Variants in NELL2 observed in about 807,000 individuals in gnomAD.
The protein encoded by NELL2 is protein kinase C-binding protein NELL2.
Under a neutral mutation model 109.6 loss-of-function variants are expected in NELL2, and 41 were observed. The observed-to-expected ratio is 0.37, with a 90% confidence interval of 0.29 to 0.49. The LOEUF (loss-of-function observed/expected upper bound fraction) is 0.49, where lower values mean the gene tolerates loss of function less well. Among genes scored for constraint, NELL2 ranks in the 20% least tolerant of loss-of-function variants. The pLI, the probability that NELL2 is intolerant of heterozygous loss-of-function variation, is 0.98. For missense variants in NELL2, 900 were observed against 1,008.3 expected, an observed-to-expected ratio of 0.89 and a Z score of 1.45; for synonymous variants, 355 against 344.7, an observed-to-expected ratio of 1.03 and a Z score of -0.33.
chr12:44,752,308 C>T (rs1592462307), intron 9 of NELL2, among the ~76,000 whole-genome samples: 2 of 152,324 alleles, frequency 1.3e-5, no homozygotes, highest in East Asian at 3.9e-4. Context: ...CTTTCACATA[C>T]ATTATCTAAA....
chr12:44,612,566 G>A (rs1945661695), intron 13 of NELL2, among the ~76,000 whole-genome samples: 1 of 151,614 alleles, frequency 6.6e-6, no homozygotes, highest in Non-Finnish European at 1.5e-5. Flanking sequence ...ATTACACATG[G>A]GTCTCCTAAT....
At chr12:44,658,559 T>C (rs888818297) in intron 13 of NELL2, among the ~76,000 whole-genome samples, 3 of 152,086 alleles carry the variant, frequency 2.0e-5, no homozygotes, top group East Asian at 1.9e-4. Flanking sequence ...CAAGCTACCA[T>C]TGACTTTCTT....
intron 2 of NELL2, among the ~76,000 whole-genome samples, chr12:44,868,821 A>G (rs998846372): frequency 6.6e-6 from 1 of 152,188 alleles, no homozygotes; most frequent in African/African-American, 2.4e-5. Context: ...CTATGGTACA[A>G]CATAATGACT....
intron 15 of NELL2, among the ~76,000 whole-genome samples, chr12:44,545,837 A>T (rs943817860): frequency 6.6e-6 from 1 of 152,122 alleles, no homozygotes; most frequent in African/African-American, 2.4e-5. Flanking sequence ...TAATCAAGGT[A>T]AAGCCAGGAA....
intron 15 of NELL2, among the ~76,000 whole-genome samples, chr12:44,568,926 T>G (rs1360215023): frequency 2.0e-5 from 3 of 152,182 alleles, no homozygotes; most frequent in African/African-American, 7.2e-5. Context: ...GCAGGTTTGT[T>G]ACACAGGTAA....
intron 9 of NELL2, among the ~76,000 whole-genome samples, chr12:44,730,314 C>T (rs1298760355): frequency 6.6e-6 from 1 of 152,084 alleles, no homozygotes; most frequent in Non-Finnish European, 1.5e-5. Context: ...ATAGAACATT[C>T]CATACAACAG....
intron 1 of NELL2, among the ~76,000 whole-genome samples, chr12:44,886,602 T>C (rs1945476329): frequency 6.6e-6 from 1 of 151,972 alleles, no homozygotes; most frequent in South Asian, 2.1e-4. Flanking sequence ...TTTGTAAAGA[T>C]CAAATAAGTG....
intron 15 of NELL2, among the ~76,000 whole-genome samples, chr12:44,549,901 T>C (rs1156463872): frequency 6.6e-6 from 1 of 152,084 alleles, no homozygotes; most frequent in East Asian, 1.9e-4. Context: ...AATTCTGAAA[T>C]TCATATAGAA....
chr12:44,793,864 T>C (rs1347956761), intron 3 of NELL2, among the ~76,000 whole-genome samples: 1 of 152,172 alleles, frequency 6.6e-6, no homozygotes, highest in African/African-American at 2.4e-5. Context: ...TCAGTCACCA[T>C]TAAAATGCAC....
chr12:44,897,274 T>C (rs1463815724), intron 1 of NELL2, among the ~76,000 whole-genome samples: 1 of 151,734 alleles, frequency 6.6e-6, no homozygotes, highest in Non-Finnish European at 1.5e-5. Flanking sequence ...AAATAAGACA[T>C]GAGAAAGAGG....
intron 2 of NELL2, among the ~76,000 whole-genome samples, chr12:44,826,825 AAC>A (rs761434904): frequency 6.6e-6 from 1 of 152,218 alleles, no homozygotes; most frequent in Non-Finnish European, 1.5e-5. Context: ...TATTTTACAC[AAC>A]AGTGTCCTAC....
rs112499748 is a variant in NELL2, at chr12:44,813,203, T to C, written c.335+2783A>G. Among the ~76,000 whole-genome samples the C allele has an allele frequency of 5.0e-3, 756 of 152,288 alleles. 3 individuals carry two copies. The Middle Eastern group carries it at 0.051, about 10-fold the overall frequency. Reference sequence around the variant, plus strand: ...TCCAGGTCTACACTCTTAATCACTCTTGAATACTGATGATAAATGAACTAA... The same window carrying C: ...TCCAGGTCTACACTCTTAATCACTCCTGAATACTGATGATAAATGAACTAA... On this transcript the variant is annotated intron_variant, in intron 3 of 19. Coordinates refer to ENST00000429094, the MANE Select transcript of NELL2 (RefSeq NM_001145108.2).
chr12:44,744,823 C>A (rs1296488487), intron 9 of NELL2, among the ~76,000 whole-genome samples: 5 of 152,164 alleles, frequency 3.3e-5, no homozygotes, highest in Non-Finnish European at 7.4e-5. Context: ...AGCTTACCAA[C>A]CAAAACAAGT....
chr12:44,694,520 AACACACAC>A (rs60024794), intron 12 of NELL2, among the ~76,000 whole-genome samples: 3 of 144,306 alleles, frequency 2.1e-5, no homozygotes, highest in Admixed American at 6.9e-5. Flanking sequence ...CACACATACA[AACACACAC>A]ACACACACAC....
chr12:44,619,277 G>T (rs1555186335), intron 13 of NELL2, among the ~76,000 whole-genome samples: 1 of 152,152 alleles, frequency 6.6e-6, no homozygotes. Context: ...ATGACTAAAA[G>T]AGAACAGTAA....
chr12:44,808,197 GA>G (rs886702625), intron 3 of NELL2, among the ~76,000 whole-genome samples: 1 of 151,930 alleles, frequency 6.6e-6, no homozygotes, highest in African/African-American at 2.4e-5. Context: ...GACAGGAAGG[GA>G]AAAAAAATGC....
intron 2 of NELL2, among the ~76,000 whole-genome samples, chr12:44,864,661 C>G (rs1944937523): frequency 6.6e-6 from 1 of 152,204 alleles, no homozygotes; most frequent in Non-Finnish European, 1.5e-5. Flanking sequence ...AACAGATCAT[C>G]CAGACGGAAA....
chr12:44,561,257 G>A (rs1033544174), intron 15 of NELL2, among the ~76,000 whole-genome samples: 16 of 152,088 alleles, frequency 1.1e-4, no homozygotes, highest in Admixed American at 2.0e-4. Flanking sequence ...TATTCCCTTC[G>A]AAAATGAGCA....
rs140180716 is a variant in NELL2 at position 44,912,665 on chromosome 12, G to C, written c.38+1134C>G. On this transcript the variant is annotated intron_variant, in intron 1 of 20. Transcript: ENST00000333837. ...CTTCCACCTAATAAACTTTTATTTA[G>C]TACCTTCTACATGCTAAGCCTAATA... Among the ~76,000 whole-genome samples, 196 of 152,162 alleles carry C rather than the reference G, an allele frequency of 1.3e-3. 1 individual carries two copies. Among genetic ancestry groups the C allele is most frequent in the Non-Finnish European group, 2.4e-3 (161 of 67,970 alleles).
Sources: gnomAD v4.1 joint callset for allele counts (sites outside exome capture counted in the v4.1 genomes callset) on GRCh38, gnomAD v4.1.1 for gene constraint, MANE v1.5 for transcripts, NCBI Gene and HGNC (gene_info 2026-07-23, HGNC 2026-07-21) for gene names.